The following PLCXD1 variants were observed in gnomAD, a reference collection of about 807,000 sequenced individuals.
The protein encoded by PLCXD1 is phosphatidylinositol specific phospholipase C X domain containing 1.
PLCXD1 carries 45 observed loss-of-function variants against 37.8 expected under a neutral mutation model. The ratio of observed to expected loss-of-function variants is 1.19; its 90% confidence interval spans 0.94 to 1.53. The LOEUF is 1.53. Among genes scored for constraint, PLCXD1 ranks in the 40% most tolerant of loss-of-function variants. The pLI is 0.00. For missense variants in PLCXD1, 539 were observed against 454.7 expected, an observed-to-expected ratio of 1.19 and a Z score of -1.69; for synonymous variants, 246 against 206.9, an observed-to-expected ratio of 1.19 and a Z score of -1.62.
intron 2 of PLCXD1, among the ~76,000 whole-genome samples, chrX:286,459 CA>C (rs1308645832): frequency 2.6e-5 from 4 of 152,106 alleles, no homozygotes; most frequent in African/African-American, 9.7e-5. Flanking sequence ...GGACCAGCCG[CA>C]GACAAAACTC....
intron 1 of PLCXD1, among the ~76,000 whole-genome samples, chrX:282,973 A>G (rs1293644162): frequency 1.4e-5 from 2 of 146,044 alleles, no homozygotes; most frequent in East Asian, 2.0e-4. Context: ...TGTATATATT[A>G]TATGTATAAT....
intron 1 of PLCXD1, among the ~76,000 whole-genome samples, chrX:282,065 T>A (rs2069290690): frequency 6.6e-6 from 1 of 152,122 alleles, no homozygotes; most frequent in African/African-American, 2.4e-5. Flanking sequence ...GTCTCATTTC[T>A]AAGAGGAGGC....
Position 291,504 on chromosome X carries a change from A to C in PLCXD1, c.399A>C (p.Thr133=), listed in dbSNP as rs1294017896. 1 of 1,611,960 alleles carries C rather than the reference A, an allele frequency of 6.2e-7. No individual in the cohort carries two copies. The highest frequency in any genetic ancestry group is 8.5e-7 in the Non-Finnish European group (1 of 1,179,694). The change falls in exon 5 of 7, where the codon ACA becomes ACC. Residue 133 remains threonine (T), a synonymous_variant. Transcript: ENST00000381657. ...MVYTTALVED[T]LTEISEWLER... ...CCCAGCACCCCCCTCCCCAGGACACACTCACGGAAATCTCGGAGTGGCTGG... is the reference window on the plus strand; with the variant it reads ...CCCAGCACCCCCCTCCCCAGGACACCCTCACGGAAATCTCGGAGTGGCTGG...
chrX:281,940 G>A (rs775347293), intron 1 of PLCXD1, among the ~76,000 whole-genome samples: 1 of 152,020 alleles, frequency 6.6e-6, no homozygotes, highest in East Asian at 2.0e-4. Flanking sequence ...TAGAAATGGG[G>A]TTTCACCATG....
intron 2 of PLCXD1, among the ~76,000 whole-genome samples, chrX:286,178 C>T (rs1000663888): frequency 6.6e-6 from 1 of 151,990 alleles, no homozygotes; most frequent in African/African-American, 2.4e-5. Flanking sequence ...GATTCTCCTG[C>T]CTCAGCCTCC....
chrX:294,212 G>T (rs2069726897), intron 6 of PLCXD1, among the ~76,000 whole-genome samples: 3 of 152,352 alleles, frequency 2.0e-5, no homozygotes, highest in Admixed American at 2.0e-4. Flanking sequence ...GCCGGGCGCG[G>T]TGGCTCACGC....
rs1237023961 is a variant in PLCXD1 at position 287,466 on chromosome X, T to C, written c.128-1267T>C. Among the ~76,000 whole-genome samples the C allele has an allele frequency of 9.3e-4, 118 of 126,972 alleles. 2 individuals carry two copies. Among genetic ancestry groups the C allele is most frequent in the Middle Eastern group, 7.7e-3 (2 of 260 alleles). The allele number at this position is 126,972 out of a possible 152,430, so 83.3% of individuals were successfully genotyped here. The stretch of plus-strand genomic sequence containing the variant: ...ACACTATATATGTTTATATATAGAA[T>C]ATATACTATATATGTTTATATATAG... On this transcript the variant is annotated intron_variant, in intron 2 of 6. Transcript: ENST00000381657.
intron 6 of PLCXD1, among the ~76,000 whole-genome samples, chrX:298,298 G>A (rs1175000162): frequency 5.7e-3 from 128 of 22,466 alleles, no homozygotes; most frequent in Middle Eastern, 0.029. Context: ...ACATTATTCT[G>A]TCTCCCACAT....
rs1275388809 is a variant in PLCXD1, at chrX:299,178, T to C, written c.815T>C (p.Met272Thr). ...CACCCGTCCGAGTCCCTGGAGAAGA[T>C]GACGCTGCCCAACCTTCCGCGGCTG... ...LAHPSESLEKMTLPNLPRLSA... is the reference protein window; with the variant it reads ...LAHPSESLEKTTLPNLPRLSA... Residue 272 changes from methionine (M) to threonine (T), a missense_variant, in exon 7 of 7, where the codon ATG becomes ACG. Met to Thr is a moderately conservative substitution (Grantham distance 81, BLOSUM62 -1). Transcript: ENST00000381657. The C allele has an allele frequency of 1.2e-5, 20 of 1,613,816 alleles. No homozygotes were observed. The highest frequency in any genetic ancestry group is 1.4e-5 in the Non-Finnish European group (17 of 1,179,864).
At chrX:284,025 G>T in intron 1 of PLCXD1, 142 bp from the exon 2 acceptor site, 1 of 656,868 alleles carries the variant, frequency 1.5e-6, no homozygotes, top group South Asian at 1.8e-5. Flanking sequence ...GGGATGACAG[G>T]TGCCACAGGT....
chrX:288,419 C>G (rs1196815293), intron 2 of PLCXD1, among the ~76,000 whole-genome samples: 2 of 152,192 alleles, frequency 1.3e-5, no homozygotes, highest in African/African-American at 4.8e-5. Flanking sequence ...TCCACGAGGC[C>G]TCCTCCTCTG....
chrX:285,298 A>T (rs907782104), intron 2 of PLCXD1, among the ~76,000 whole-genome samples: 4 of 152,160 alleles, frequency 2.6e-5, no homozygotes, highest in Non-Finnish European at 5.9e-5. Flanking sequence ...ATGGATGCAC[A>T]TACACATGCA....
chrX:293,185 T>TA lies in PLCXD1; in HGVS notation c.701dup (p.Tyr234Ter), dbSNP rs746229412. The change falls in exon 6 of 7, where the codon TAC becomes TAAC. Residue 234 changes from tyrosine to a stop codon, truncating the protein, a stop_gained and frameshift_variant. Coordinates refer to ENST00000381657, the MANE Select transcript of PLCXD1 (RefSeq NM_018390.4). LOFTEE classifies it high-confidence loss of function. ...GGTGAAGACCGAGGCCCTCATCCGA[T>TA]ACCTGGAGACCATGAAGAGCTGCGG... ...NRVKTEALIR[Y>*]LETMKSCGRP... 13 of 1,612,422 alleles carry TA rather than the reference T, an allele frequency of 8.1e-6. No individual in the cohort carries two copies. The Admixed American group carries it at 1.2e-4, about 14-fold the overall frequency.
At chrX:278,797 C>G (rs2069204343), upstream of PLCXD1, among the ~76,000 whole-genome samples, 1 of 37,086 alleles carries the variant, frequency 2.7e-5, no homozygotes, top group Non-Finnish European at 9.8e-5. Flanking sequence ...GTGACCGAGC[C>G]TCAGGAGGTC....
chrX:294,282 A>G (rs2069731332), intron 6 of PLCXD1, among the ~76,000 whole-genome samples: 3 of 152,190 alleles, frequency 2.0e-5, no homozygotes, highest in South Asian at 2.1e-4. Flanking sequence ...GGAGATCGAG[A>G]CCATCCCGGC....
Position 299,144 on chromosome X carries a change from G to T in PLCXD1, c.781G>T (p.Val261Phe), listed in dbSNP as rs368117410. 1 of 1,613,944 alleles carries T rather than the reference G, an allele frequency of 6.2e-7. No homozygotes were observed. The highest frequency in any genetic ancestry group is 2.2e-5 in the East Asian group (1 of 44,880). Residue 261 changes from valine to phenylalanine, a missense_variant, in exon 7 of 7, where the codon GTT becomes TTT. Physicochemically the swap from Val to Phe is conservative, Grantham distance 50 (BLOSUM62 -1). Coordinates refer to ENST00000381657, the MANE Select transcript of PLCXD1 (RefSeq NM_018390.4). Reference sequence around the variant, plus strand: ...CAACCTCACGGAGAACCTGCAGTACGTTCTGGCGCACCCGTCCGAGTCCCT... The same window carrying T: ...CAACCTCACGGAGAACCTGCAGTACTTTCTGGCGCACCCGTCCGAGTCCCT... ...GINLTENLQY[V>F]LAHPSESLEK... is the part of the protein sequence containing the mutation.
rs1191698584 is a variant in PLCXD1 at position 300,560 on chromosome X, ATATGTGTATGTG to A, written c.*1228_*1239del. 7.0e-6 allele frequency: 1 copy of A among 142,756 alleles called. No homozygotes were observed. Among genetic ancestry groups the A allele is most frequent in the African/African-American group, 3.0e-5 (1 of 33,568 alleles). 8.8% of individuals were successfully genotyped at this position (142,756 alleles called of 1,614,324 possible). A position where few individuals can be genotyped will look rare whatever the true frequency, so the allele number is the denominator to read the frequency against. On this transcript the variant is annotated 3_prime_UTR_variant, in exon 7 of 7. Transcript: ENST00000381657. ...CATACATGTATATGTGTATGCATGTATATGTGTATGTGTACATGTATATGTGTTTATACATGT... is the reference window on the plus strand; with the variant it reads ...CATACATGTATATGTGTATGCATGTATACATGTATATGTGTTTATACATGT...
chrX:295,056 G>C (rs968241194), intron 6 of PLCXD1, among the ~76,000 whole-genome samples: 2 of 150,690 alleles, frequency 1.3e-5, no homozygotes, highest in African/African-American at 4.9e-5. Context: ...TGTAATCCCA[G>C]CTCCTCGGGA....
chrX:300,097 A>T lies in PLCXD1; in HGVS notation c.*762A>T, dbSNP rs1308902710. Reference sequence around the variant, plus strand: ...AAGATGGGGTCTCTCTATGTTGGCCAGGTTGGTCTTGAACTCCTGGCCTCA... The same window carrying T: ...AAGATGGGGTCTCTCTATGTTGGCCTGGTTGGTCTTGAACTCCTGGCCTCA... On this transcript the variant is annotated 3_prime_UTR_variant, in exon 7 of 7. Coordinates refer to ENST00000381657, the MANE Select transcript of PLCXD1 (RefSeq NM_018390.4). 1 of 149,742 alleles carries T rather than the reference A, an allele frequency of 6.7e-6. No homozygotes were observed. The highest frequency in any genetic ancestry group is 1.5e-5 in the Non-Finnish European group (1 of 67,760). 9.3% of individuals were successfully genotyped at this position (149,742 alleles called of 1,614,324 possible). A position where few individuals can be genotyped will look rare whatever the true frequency, so the allele number is the denominator to read the frequency against.
Sources: gnomAD v4.1 joint callset for allele counts (sites outside exome capture counted in the v4.1 genomes callset) on GRCh38, gnomAD v4.1.1 for gene constraint, MANE v1.5 for transcripts, NCBI Gene and HGNC (gene_info 2026-07-23, HGNC 2026-07-21) for gene names.